The following LIPA variants were observed in gnomAD, a reference collection of about 807,000 sequenced individuals.
The protein encoded by LIPA is lipase A, lysosomal acid type, also known as lysosomal acid lipase/cholesteryl ester hydrolase.
Under a neutral mutation model 40.6 loss-of-function variants are expected in LIPA, and 26 were observed. That is an observed-to-expected ratio of 0.64 (90% confidence interval 0.47 to 0.89). The LOEUF (loss-of-function observed/expected upper bound fraction) is 0.89, where lower values mean the gene tolerates loss of function less well. Ranked by LOEUF, LIPA falls within the 40% of genes least tolerant of loss-of-function variation. The pLI is 0.00. For synonymous variants in LIPA, 188 were observed against 168.4 expected (o/e 1.12, Z -0.90); for missense variants, 455 against 479.6 (o/e 0.95, Z 0.48).
intron 1 of LIPA, among the ~76,000 whole-genome samples, chr10:89,333,681 A>G (rs1038918302): frequency 2.0e-5 from 3 of 152,200 alleles, no homozygotes; most frequent in Non-Finnish European, 4.4e-5. Flanking sequence ...ACAAAAATAA[A>G]ATAAAAATAA....
chr10:89,220,727 G>A (rs765852143), intron 8 of LIPA, among the ~76,000 whole-genome samples: 4 of 152,164 alleles, frequency 2.6e-5, no homozygotes, highest in East Asian at 3.9e-4. Flanking sequence ...CCTTAGAGAC[G>A]AGCCCCAGGG....
intron 1 of LIPA, among the ~76,000 whole-genome samples, chr10:89,271,191 G>C (rs1173879770): frequency 6.6e-6 from 1 of 152,130 alleles, no homozygotes; most frequent in Non-Finnish European, 1.5e-5. Context: ...AGACTATTTG[G>C]TCTACTTTAT....
upstream of LIPA, chr10:89,414,642 A>G: frequency 1.4e-6 from 1 of 708,492 alleles, no homozygotes; most frequent in Non-Finnish European, 2.1e-6. Context: ...CTCCTTTAAC[A>G]AAGACACGCC....
chr10:89,245,739 CTG>C lies in LIPA; in HGVS notation c.164_165del (p.Thr55ArgfsTer9). On this transcript the variant is annotated frameshift_variant, in exon 3 of 10. Coordinates refer to ENST00000336233, the MANE Select transcript of LIPA (RefSeq NM_000235.4). LOFTEE classifies it high-confidence loss of function. ...TTAAGGCACAGAATATATCCATCTTCTGTCTCAACTAGGTATTCCTCACTAGG... is the reference window on the plus strand; with the variant it reads ...TTAAGGCACAGAATATATCCATCTTCTCTCAACTAGGTATTCCTCACTAGG... Reference protein sequence around the residue: ...GFPSEEYLVETEDGYILCLNR... With the variant: ...GFPSEEYLVEXEDGYILCLNR... The C allele has an allele frequency of 6.2e-7, 1 of 1,606,230 alleles. No individual in the cohort carries two copies. Among genetic ancestry groups the C allele is most frequent in the South Asian group, 1.1e-5 (1 of 90,884 alleles).
intron 1 of LIPA, among the ~76,000 whole-genome samples, chr10:89,263,511 C>A (rs1752452656): frequency 6.6e-6 from 1 of 152,246 alleles, no homozygotes; most frequent in Non-Finnish European, 1.5e-5. Flanking sequence ...CTCCTGTCCT[C>A]TAACCCTACC....
At chr10:89,275,244 C>A (rs527917265) in intron 1 of LIPA, among the ~76,000 whole-genome samples, 1 of 152,324 alleles carries the variant, frequency 6.6e-6, no homozygotes, top group East Asian at 1.9e-4. Flanking sequence ...TATGGCCCAT[C>A]TCCTGGGTTA....
At chr10:89,268,985 CAAAAAA>C (rs11453669) in intron 1 of LIPA, among the ~76,000 whole-genome samples, 1 of 140,014 alleles carries the variant, frequency 7.1e-6, no homozygotes, top group Non-Finnish European at 1.5e-5. Flanking sequence ...GACTCTGTCT[CAAAAAA>C]AAAAAAGTAT....
intron 1 of LIPA, among the ~76,000 whole-genome samples, chr10:89,281,899 C>G (rs1389216161): frequency 6.6e-6 from 1 of 152,208 alleles, no homozygotes; most frequent in Non-Finnish European, 1.5e-5. Flanking sequence ...CTTAGTGTTC[C>G]TGGCTGAGAT....
chr10:89,231,430 G>A (rs911140933), intron 3 of LIPA, among the ~76,000 whole-genome samples: 1 of 151,286 alleles, frequency 6.6e-6, no homozygotes, highest in African/African-American at 2.5e-5. Context: ...CCCTCGTGTT[G>A]TTAAAATAGC....
At chr10:89,228,047 T>C (rs1312044720) in intron 4 of LIPA, among the ~76,000 whole-genome samples, 153 bp downstream of exon 4, 6 of 152,222 alleles carry the variant, frequency 3.9e-5, no homozygotes, top group Non-Finnish European at 5.9e-5. Context: ...GTCATTAAAT[T>C]CCTAGCAACA....
chr10:89,345,994 T>C (rs1843917761), upstream of LIPA, among the ~76,000 whole-genome samples: 1 of 152,210 alleles, frequency 6.6e-6, no homozygotes, highest in Admixed American at 6.5e-5. Context: ...AACATAGTAG[T>C]ATCTTTTAAG....
intron 1 of LIPA, among the ~76,000 whole-genome samples, chr10:89,251,332 T>G (rs1843116971): frequency 6.6e-6 from 1 of 152,174 alleles, no homozygotes; most frequent in Non-Finnish European, 1.5e-5. Context: ...ACCACGCCGT[T>G]GGCTAACAAG....
chr10:89,306,177 T>A, intron 1 of LIPA: 4 of 1,614,096 alleles, frequency 2.5e-6, no homozygotes, highest in Non-Finnish European at 3.4e-6. Flanking sequence ...CTGGAATGCT[T>A]ACGTAAAGCT....
chr10:89,339,947 TGCTGCAA>T (rs1261224710), intron 1 of LIPA: 2 of 1,614,232 alleles, frequency 1.2e-6, no homozygotes, highest in Non-Finnish European at 1.7e-6. Flanking sequence ...AATGGAGATC[TGCTGCAA>T]GCAGCCAAAT....
At chr10:89,298,347 A>G (rs1251020185) in intron 1 of LIPA, among the ~76,000 whole-genome samples, 2 of 152,220 alleles carry the variant, frequency 1.3e-5, no homozygotes, top group Admixed American at 6.5e-5. Context: ...TGTTCCCAGT[A>G]AAATGTCACG....
upstream of LIPA, among the ~76,000 whole-genome samples, chr10:89,255,414 C>A (rs1340479097): frequency 6.6e-6 from 1 of 152,148 alleles, no homozygotes; most frequent in Non-Finnish European, 1.5e-5. Context: ...AAACTGCCCC[C>A]CATGATTTAA....
intron 2 of LIPA, chr10:89,383,416 T>A: frequency 6.2e-7 from 1 of 1,614,202 alleles, no homozygotes. Context: ...AATTCCTGAT[T>A]TAGAAAACAG....
intron 1 of LIPA, among the ~76,000 whole-genome samples, chr10:89,291,648 G>A (rs1843375741): frequency 6.6e-6 from 1 of 152,114 alleles, no homozygotes; most frequent in Admixed American, 6.5e-5. Context: ...CATGAGCTGA[G>A]TGCAATGATT....
chr10:89,370,384 C>T (rs902465132), intron 2 of LIPA, among the ~76,000 whole-genome samples: 6 of 151,708 alleles, frequency 4.0e-5, no homozygotes, highest in Non-Finnish European at 7.4e-5. Flanking sequence ...ACCACCACAT[C>T]GGGCTAAGTT....
Sources: gnomAD v4.1 joint callset for allele counts (sites outside exome capture counted in the v4.1 genomes callset) on GRCh38, gnomAD v4.1.1 for gene constraint, MANE v1.5 for transcripts, NCBI Gene and HGNC (gene_info 2026-07-23, HGNC 2026-07-21) for gene names.